The following CCDC191 variants were observed in gnomAD, a reference collection of about 807,000 sequenced individuals.
CCDC191 encodes the protein coiled-coil domain containing 191, also known as coiled-coil domain-containing protein 191.
In CCDC191, 99 loss-of-function variants were observed where a neutral mutation model predicts 114.0. That is an observed-to-expected ratio of 0.87 (90% CI 0.74 to 1.03). CCDC191 has a LOEUF of 1.03. Ranked by LOEUF, CCDC191 falls within the 50% of genes least tolerant of loss-of-function variation. The probability of loss-of-function intolerance (pLI) is 0.00; values close to 1 mark genes in which losing one functional copy is unlikely to be tolerated. For synonymous variants in CCDC191, 351 were observed against 376.0 expected (o/e 0.93, Z 0.77); for missense variants, 973 against 1,087.0 (o/e 0.90, Z 1.47).
At chr3:113,989,714 G>A (rs1001137557) in intron 13 of CCDC191, among the ~76,000 whole-genome samples, 1 of 152,160 alleles carries the variant, frequency 6.6e-6, no homozygotes, top group African/African-American at 2.4e-5. Flanking sequence ...GGCCAGGCAT[G>A]GTGGCTCATG....
chr3:113,967,107 GAAAA>G (rs1280399777), intron 16 of CCDC191, among the ~76,000 whole-genome samples: 2 of 64,210 alleles, frequency 3.1e-5, no homozygotes, highest in East Asian at 5.7e-4. Flanking sequence ...CTCAAAAAAA[GAAAA>G]AAAGAAAAAA....
chr3:114,034,886 A>T lies in CCDC191; in HGVS notation c.818+39T>A, dbSNP rs758855860. 1.9e-6 allele frequency: 3 copies of T among 1,570,628 alleles called. No homozygotes were observed. In the Admixed American group the frequency reaches 5.2e-5, roughly 27 times the overall value. ...CAGAGCATTTCTAAAATGACTGCTT[A>T]AACAGAGAAACCCCACAGTGCTTAT... is the stretch of plus-strand genomic sequence containing the variant. On this transcript the variant is annotated intron_variant, in intron 6 of 16. Coordinates refer to ENST00000295878, the MANE Select transcript of CCDC191 (RefSeq NM_020817.2).
chr3:114,031,449 A>G (rs1205462214), intron 7 of CCDC191, among the ~76,000 whole-genome samples, 177 bp downstream of exon 7: 1 of 152,166 alleles, frequency 6.6e-6, no homozygotes, highest in Non-Finnish European at 1.5e-5. Flanking sequence ...AGAACAGGGG[A>G]TTTGTGTACT....
intron 7 of CCDC191, among the ~76,000 whole-genome samples, chr3:114,022,296 T>C (rs1199006558): frequency 2.6e-5 from 4 of 152,164 alleles, no homozygotes; most frequent in African/African-American, 9.7e-5. Flanking sequence ...TCACTAGGAA[T>C]GATTGACGTT....
chr3:113,990,216 A>T (rs2075510352), intron 13 of CCDC191, among the ~76,000 whole-genome samples: 1 of 152,144 alleles, frequency 6.6e-6, no homozygotes, highest in South Asian at 2.1e-4. Flanking sequence ...GTAAACCAGA[A>T]GAGAAGATAT....
intron 14 of CCDC191, among the ~76,000 whole-genome samples, chr3:113,979,238 A>C (rs927876143): frequency 6.6e-6 from 1 of 152,166 alleles, no homozygotes; most frequent in African/African-American, 2.4e-5. Context: ...TGAAGACCAC[A>C]GTGATTTGCT....
At chr3:113,994,319 G>T (rs957533876) in intron 13 of CCDC191, among the ~76,000 whole-genome samples, 1 of 152,096 alleles carries the variant, frequency 6.6e-6, no homozygotes, top group Non-Finnish European at 1.5e-5. Flanking sequence ...TTAGGGAAAC[G>T]CAAATAAACA....
chr3:113,979,259 A>C (rs2075051931), intron 14 of CCDC191, among the ~76,000 whole-genome samples: 1 of 152,180 alleles, frequency 6.6e-6, no homozygotes, highest in South Asian at 2.1e-4. Context: ...GGTTATGGAA[A>C]TGGAACAACC....
At chr3:113,981,275 A>G (rs549848709) in intron 13 of CCDC191, among the ~76,000 whole-genome samples, 1 of 152,344 alleles carries the variant, frequency 6.6e-6, no homozygotes, top group South Asian at 2.1e-4. Flanking sequence ...AAGATAGTTG[A>G]TCATCATTAA....
chr3:113,992,777 G>T (rs928586489), intron 13 of CCDC191, among the ~76,000 whole-genome samples: 1 of 152,054 alleles, frequency 6.6e-6, no homozygotes, highest in Non-Finnish European at 1.5e-5. Flanking sequence ...CAACAAAACT[G>T]AAGAGAAAGG....
chr3:114,016,121 A>G (rs1437747622), intron 8 of CCDC191, among the ~76,000 whole-genome samples: 1 of 152,250 alleles, frequency 6.6e-6, no homozygotes, highest in Non-Finnish European at 1.5e-5. Flanking sequence ...GAGGATGAGG[A>G]AAACAACTGA....
intron 5 of CCDC191, 80 bp downstream of exon 5, chr3:114,036,517 AATAAAGCCTAT>A: frequency 1.4e-5 from 12 of 878,644 alleles, no homozygotes; most frequent in South Asian, 3.7e-5. Context: ...CCTTTTTCAT[AATAAAGCCTAT>A]GTCTTTATTT....
chr3:114,052,432 T>TG (rs1256771833), intron 2 of CCDC191, among the ~76,000 whole-genome samples: 3 of 152,170 alleles, frequency 2.0e-5, no homozygotes, highest in Non-Finnish European at 4.4e-5. Flanking sequence ...AACACTCACA[T>TG]GCAAGCTAGT....
intron 16 of CCDC191, among the ~76,000 whole-genome samples, chr3:113,974,411 C>G (rs997242695): frequency 6.6e-6 from 1 of 151,968 alleles, no homozygotes; most frequent in Admixed American, 6.5e-5. Context: ...CCTCCACCTC[C>G]CAGGTTCAAG....
At chr3:113,970,938 G>A (rs1391507128) in intron 16 of CCDC191, among the ~76,000 whole-genome samples, 1 of 152,084 alleles carries the variant, frequency 6.6e-6, no homozygotes, top group East Asian at 1.9e-4. Context: ...TGGTGTATAT[G>A]TGCCACATTT....
chr3:114,009,984 G>A (rs956191148), intron 9 of CCDC191, among the ~76,000 whole-genome samples: 1 of 152,008 alleles, frequency 6.6e-6, no homozygotes, highest in Non-Finnish European at 1.5e-5. Flanking sequence ...TAAAAAAAAA[G>A]AGCTGCCCCA....
chr3:113,978,238 C>T lies in CCDC191; in HGVS notation c.2554G>A (p.Val852Met), dbSNP rs1192166059. The change falls in exon 16 of 17, where the codon GTG becomes ATG. Residue 852 changes from valine (V) to methionine (M), a missense_variant. Transcript: ENST00000295878. ...TGCTTGCCCTGAGAATCGATCTTCA[C>T]CTCCCTGACCATGTTAAACCAGGCC... is the stretch of plus-strand genomic sequence containing the variant. The part of the protein sequence containing the change: ...FRAWFNMVRE[V>M]KIDSQGKHEI... 9.3e-6 allele frequency: 15 copies of T among 1,614,052 alleles called. No individual in the cohort carries two copies. The East Asian group carries it at 3.1e-4, about 34-fold the overall frequency.
At chr3:114,006,609 T>C (rs1230402323) in intron 9 of CCDC191, among the ~76,000 whole-genome samples, 1 of 135,156 alleles carries the variant, frequency 7.4e-6, no homozygotes, top group Non-Finnish European at 1.5e-5. Context: ...TATATATATA[T>C]ATATATATAA....
chr3:113,989,743 T>C (rs1281466583), intron 13 of CCDC191, among the ~76,000 whole-genome samples: 1 of 152,156 alleles, frequency 6.6e-6, no homozygotes, highest in Non-Finnish European at 1.5e-5. Context: ...CTTACCACTT[T>C]GGGAGGCCAA....
Sources: gnomAD v4.1 joint callset for allele counts (sites outside exome capture counted in the v4.1 genomes callset) on GRCh38, gnomAD v4.1.1 for gene constraint, MANE v1.5 for transcripts, NCBI Gene and HGNC (gene_info 2026-07-23, HGNC 2026-07-21) for gene names.